The following CKAP2L variants were observed in gnomAD, a reference collection of about 807,000 sequenced individuals.
CKAP2L encodes the protein cytoskeleton associated protein 2L.
In CKAP2L, 42 loss-of-function variants were observed where a neutral mutation model predicts 65.7. The observed-to-expected ratio is 0.64, with a 90% CI of 0.50 to 0.83. The LOEUF is 0.83. CKAP2L is among the 40% of genes least tolerant of loss of function. The pLI is 0.00. For synonymous variants in CKAP2L, 325 were observed against 313.5 expected (o/e 1.04, Z -0.39); for missense variants, 908 against 871.0 (o/e 1.04, Z -0.53).
intron 6 of CKAP2L, among the ~76,000 whole-genome samples, chr2:112,744,726 G>A (rs1446115023): frequency 6.6e-6 from 1 of 152,142 alleles, no homozygotes; most frequent in East Asian, 1.9e-4. Flanking sequence ...AACTTGACCA[G>A]CTTAAGAGGA....
chr2:112,753,558 T>C (rs1388873466), intron 4 of CKAP2L, among the ~76,000 whole-genome samples: 3 of 146,826 alleles, frequency 2.0e-5, no homozygotes, highest in Admixed American at 6.9e-5. Flanking sequence ...GAGACAGTTT[T>C]GCTCTGTTGC....
At chr2:112,752,949 C>G (rs1249167765) in intron 4 of CKAP2L, among the ~76,000 whole-genome samples, 1 of 152,150 alleles carries the variant, frequency 6.6e-6, no homozygotes, top group African/African-American at 2.4e-5. Context: ...CTCTCTTGAC[C>G]AGACATGACT....
intron 4 of CKAP2L, among the ~76,000 whole-genome samples, chr2:112,755,532 G>C (rs978097189): frequency 1.3e-5 from 2 of 151,980 alleles, no homozygotes; most frequent in Non-Finnish European, 2.9e-5. Context: ...TCAGACTCAC[G>C]GAAGTTTCTG....
Position 112,752,426 on chromosome 2 carries a change from C to T in CKAP2L, c.1443G>A (p.Arg481=). ...TTTTTGTTTTAAGTTCCATAGGAGG[C>T]CGTTTATAGGTTTTTCCCTTAGATT... The part of the protein sequence containing the change: ...WQKSKGKTYK[R]PPMELKTKRK... Residue 481 remains arginine, a synonymous_variant, in exon 5 of 9, where the codon CGG becomes CGA. Coordinates refer to ENST00000302450, the MANE Select transcript of CKAP2L (RefSeq NM_152515.5). 1 of 1,611,926 alleles carries T rather than the reference C, an allele frequency of 6.2e-7. No homozygotes were observed. Among genetic ancestry groups the T allele is most frequent in the South Asian group, 1.1e-5 (1 of 90,866 alleles).
chr2:112,764,306 C>T (rs1294968226), intron 1 of CKAP2L, among the ~76,000 whole-genome samples: 1 of 152,356 alleles, frequency 6.6e-6, no homozygotes, highest in Middle Eastern at 3.4e-3. Context: ...ACAATGACAT[C>T]TCTTTGCAAG....
intron 6 of CKAP2L, among the ~76,000 whole-genome samples, chr2:112,744,930 GAACA>G (rs1207607317): frequency 1.3e-5 from 2 of 151,912 alleles, no homozygotes. Flanking sequence ...AAAACAAAAA[GAACA>G]AACAAACAAT....
chr2:112,745,504 C>T (rs1186936578), intron 6 of CKAP2L, among the ~76,000 whole-genome samples: 2 of 151,992 alleles, frequency 1.3e-5, no homozygotes, highest in Middle Eastern at 6.8e-3. Context: ...CTCAGCCTCC[C>T]GAGTAGCTGG....
intron 8 of CKAP2L, among the ~76,000 whole-genome samples, chr2:112,739,731 T>C (rs1357473950): frequency 1.3e-5 from 2 of 152,200 alleles, no homozygotes; most frequent in Non-Finnish European, 2.9e-5. Flanking sequence ...CACAGCTCAC[T>C]ACAGCCTCAA....
chr2:112,757,778 T>C (rs893399061), intron 3 of CKAP2L, among the ~76,000 whole-genome samples: 1 of 152,220 alleles, frequency 6.6e-6, no homozygotes, highest in African/African-American at 2.4e-5. Context: ...GCAGTGAATA[T>C]ACAAAACTTG....
rs138538433 is a variant in CKAP2L at position 112,742,743 on chromosome 2, A to G, written c.1785T>C (p.Val595=). 105 of 1,609,718 alleles carry G rather than the reference A, an allele frequency of 6.5e-5. No homozygotes were observed. The highest frequency in any genetic ancestry group is 6.5e-4 in the East Asian group (29 of 44,826). The change falls in exon 7 of 9, where the codon GTT becomes GTC. Residue 595 remains valine, a synonymous_variant. Coordinates refer to ENST00000302450, the MANE Select transcript of CKAP2L (RefSeq NM_152515.5). Reference sequence around the variant, plus strand: ...TGTTTGAGTCTTGCAAGATATTAAGAACAACTTTCCGCAACTCTTGTATTG... The same window carrying G: ...TGTTTGAGTCTTGCAAGATATTAAGGACAACTTTCCGCAACTCTTGTATTG... ...ATPIQELRKV[V]LNILQDSNRT... is the part of the protein sequence containing the mutation.
At chr2:112,746,241 G>C (rs990694695) in intron 6 of CKAP2L, among the ~76,000 whole-genome samples, 179 bp downstream of exon 6, 3 of 151,944 alleles carry the variant, frequency 2.0e-5, no homozygotes, top group Non-Finnish European at 4.4e-5. Context: ...CTGAATTATT[G>C]ATTTAAGGAT....
chr2:112,743,971 G>GT (rs1207624557), intron 6 of CKAP2L, among the ~76,000 whole-genome samples: 1 of 152,120 alleles, frequency 6.6e-6, no homozygotes, highest in East Asian at 1.9e-4. Context: ...CTGGAACTCT[G>GT]TATCAAATAG....
chr2:112,745,334 GA>G (rs1201413122), intron 6 of CKAP2L, among the ~76,000 whole-genome samples: 1 of 151,238 alleles, frequency 6.6e-6, no homozygotes, highest in Non-Finnish European at 1.5e-5. Flanking sequence ...AGTTGTGCTT[GA>G]AAGGCAAAGT....
rs1680531295 is a variant in CKAP2L at position 112,756,296 on chromosome 2, G to A, written c.1075C>T (p.Gln359Ter). The A allele has an allele frequency of 1.2e-6, 2 of 1,613,922 alleles. No individual in the cohort carries two copies. Among genetic ancestry groups the A allele is most frequent in the African/African-American group, 1.3e-5 (1 of 74,986 alleles). ...CATGATGTCTGAGGTATACAAACTT[G>A]GCTGGACTTCTGATCTTGCTTGATG... Reference protein sequence around the residue: ...PNIKQDQKSSQVCIPQTSCVL... With the variant: ...PNIKQDQKSS Residue 359 changes from glutamine (Q) to a stop codon, truncating the protein, a stop_gained, in exon 4 of 9, where the codon CAA becomes TAA. Transcript: ENST00000302450. LOFTEE classifies it high-confidence loss of function.
intron 4 of CKAP2L, among the ~76,000 whole-genome samples, chr2:112,754,232 T>A (rs1408587040): frequency 2.0e-5 from 3 of 152,156 alleles, no homozygotes; most frequent in Non-Finnish European, 4.4e-5. Context: ...CACTGATCCG[T>A]TTTTTGTCTT....
Position 112,762,575 on chromosome 2 carries a change from A to G in CKAP2L, c.38-6T>C, listed in dbSNP as rs754064174. 4.3e-6 allele frequency: 7 copies of G among 1,612,170 alleles called. No individual in the cohort carries two copies. In the African/African-American group the frequency reaches 6.7e-5, roughly 15 times the overall value. ...AAGCTTTCTCTGCCGCTCTTCTGCA[A>G]CACAGGCAAGCAAACAAACGACATA... On this transcript the variant is annotated splice_polypyrimidine_tract_variant and splice_region_variant and intron_variant, in intron 1 of 8. Transcript: ENST00000302450.
At position 112,738,737 on chromosome 2, in the gene CKAP2L, CTCT is replaced by C. The variant is rs577431814; in HGVS notation, c.*83_*85del. 3.3e-4 allele frequency: 290 copies of C among 876,896 alleles called. 1 individual carries two copies. Among genetic ancestry groups the C allele is most frequent in the Non-Finnish European group, 4.6e-4 (249 of 547,166 alleles). The allele number at this position is 876,896 out of a possible 1,614,324, so 54.3% of individuals were successfully genotyped here. A position where few individuals can be genotyped will look rare whatever the true frequency, so the allele number is the denominator to read the frequency against. ...TCCATAATCTGCATCCATGATGCCT[CTCT>C]TTTTTTCCAGGTCACTTGGACAAGA... On this transcript the variant is annotated 3_prime_UTR_variant, in exon 9 of 9. Coordinates refer to ENST00000302450, the MANE Select transcript of CKAP2L (RefSeq NM_152515.5).
Position 112,755,971 on chromosome 2 carries a change from A to G in CKAP2L, c.1394+6T>C. ...GTTGCAAAAGCTTAGAATTAAAGCA[A>G]AGTACCTTCGATCCTCTGCTGTTGC... On this transcript the variant is annotated splice_donor_region_variant and intron_variant, in intron 4 of 8. Transcript: ENST00000302450. 1 of 1,548,316 alleles carries G rather than the reference A, an allele frequency of 6.5e-7. No homozygotes were observed. Among genetic ancestry groups the G allele is most frequent in the Non-Finnish European group, 8.7e-7 (1 of 1,152,396 alleles).
At chr2:112,758,506 T>C (rs1470901615) in intron 3 of CKAP2L, among the ~76,000 whole-genome samples, 1 of 152,140 alleles carries the variant, frequency 6.6e-6, no homozygotes, top group Non-Finnish European at 1.5e-5. Context: ...CTCTGGATGA[T>C]AGCGGTGTGT....
Sources: gnomAD v4.1 joint callset for allele counts (sites outside exome capture counted in the v4.1 genomes callset) on GRCh38, gnomAD v4.1.1 for gene constraint, MANE v1.5 for transcripts, NCBI Gene and HGNC (gene_info 2026-07-23, HGNC 2026-07-21) for gene names.